Variants in DDX31 observed in about 807,000 individuals in gnomAD.
The protein encoded by DDX31 is DEAD-box helicase 31.
In DDX31, 70 loss-of-function variants were observed where a neutral mutation model predicts 91.3. The ratio of observed to expected loss-of-function variants is 0.77; its 90% confidence interval spans 0.63 to 0.94. The LOEUF is 0.94. Ranked by LOEUF, DDX31 falls within the 40% of genes least tolerant of loss-of-function variation. The pLI, the probability that DDX31 is intolerant of heterozygous loss-of-function variation, is 0.00. For missense variants in DDX31, 902 were observed against 925.0 expected (o/e 0.98, Z 0.32); for synonymous variants, 362 against 350.6 (o/e 1.03, Z -0.36).
intron 1 of DDX31, among the ~76,000 whole-genome samples, chr9:132,666,776 G>T (rs983819574): frequency 2.7e-5 from 4 of 149,676 alleles, no homozygotes; most frequent in African/African-American, 9.9e-5. Context: ...GCGCAATCTC[G>T]GCTCACTGCA....
At chr9:132,659,381 T>A (rs1834790251) in intron 5 of DDX31, among the ~76,000 whole-genome samples, 2 of 152,176 alleles carry the variant, frequency 1.3e-5, no homozygotes, top group Admixed American at 6.5e-5. Context: ...AATCACTCTG[T>A]GTTTAACACC....
At position 132,594,060 on chromosome 9, in the gene DDX31, C is replaced by T. The variant is rs1455562183; in HGVS notation, c.*806G>A. On this transcript the variant is annotated 3_prime_UTR_variant, in exon 20 of 20. Coordinates refer to ENST00000372159, the MANE Select transcript of DDX31 (RefSeq NM_022779.9). ...GGGGCGGGGGGCGGGCAGCTGTGGC[C>T]TGGGTCACAATACAAAGACCCCCAG... 1 of 151,940 alleles carries T rather than the reference C, an allele frequency of 6.6e-6. No homozygotes were observed. Among genetic ancestry groups the T allele is most frequent in the Non-Finnish European group, 1.5e-5 (1 of 67,990 alleles). 9.4% of individuals were successfully genotyped at this position (151,940 alleles called of 1,614,324 possible).
At position 132,595,439 on chromosome 9, in the gene DDX31, A is replaced by C. The variant is rs1830393856; in HGVS notation, c.1995-327T>G. Among the ~76,000 whole-genome samples the C allele has an allele frequency of 6.6e-6, 1 of 152,210 alleles. No individual in the cohort carries two copies. Among genetic ancestry groups the C allele is most frequent in the Non-Finnish European group, 1.5e-5 (1 of 68,034 alleles). On this transcript the variant is annotated intron_variant, in intron 19 of 19. Transcript: ENST00000372159. The surrounding 1 kb of genome is among the most constrained non-coding windows in gnomAD (Gnocchi z 4.6). Reference sequence around the variant, plus strand: ...GGTGTATGATACAGCGGTTTGCCAAAGGACAGGGAAAAACCCACCGTCACA... The same window carrying C: ...GGTGTATGATACAGCGGTTTGCCAACGGACAGGGAAAAACCCACCGTCACA...
chr9:132,627,828 C>T (rs567091285), intron 16 of DDX31, among the ~76,000 whole-genome samples: 1 of 152,206 alleles, frequency 6.6e-6, no homozygotes, highest in Non-Finnish European at 1.5e-5. Flanking sequence ...GAGCCTCGGC[C>T]TGCCTTCTCC....
intron 19 of DDX31, among the ~76,000 whole-genome samples, chr9:132,607,332 G>A (rs1444278657): frequency 6.6e-6 from 1 of 152,182 alleles, no homozygotes; most frequent in Non-Finnish European, 1.5e-5. Context: ...CTAACATTTG[G>A]GCTAGGCTGA....
chr9:132,610,377 G>C (rs1027604210), intron 19 of DDX31, among the ~76,000 whole-genome samples: 1 of 152,200 alleles, frequency 6.6e-6, no homozygotes, highest in Admixed American at 6.5e-5. Flanking sequence ...AACAGTTTCT[G>C]TTTGTTTTTC....
chr9:132,633,939 G>A (rs1002061093), intron 14 of DDX31, among the ~76,000 whole-genome samples: 1 of 152,192 alleles, frequency 6.6e-6, no homozygotes, highest in African/African-American at 2.4e-5. Flanking sequence ...CAGGAAGTAT[G>A]GGAAAGAGGA....
intron 6 of DDX31, among the ~76,000 whole-genome samples, chr9:132,653,958 CAAAT>C (rs1274553823): frequency 4.6e-5 from 7 of 151,504 alleles, no homozygotes; most frequent in South Asian, 4.2e-4. Flanking sequence ...ATTATAATAG[CAAAT>C]AAAGTTGAGA....
chr9:132,614,695 G>A (rs540236920), intron 18 of DDX31, among the ~76,000 whole-genome samples: 6 of 152,236 alleles, frequency 3.9e-5, no homozygotes, highest in Middle Eastern at 3.4e-3. Context: ...CCTATGAGCT[G>A]AGCACTGAGA....
At chr9:132,599,864 T>C (rs1830636420) in intron 19 of DDX31, among the ~76,000 whole-genome samples, 1 of 152,230 alleles carries the variant, frequency 6.6e-6, no homozygotes, top group Admixed American at 6.5e-5. Flanking sequence ...GTCCCCCACA[T>C]GGGAAGAAAA....
intron 3 of DDX31, among the ~76,000 whole-genome samples, 182 bp from the exon 4 acceptor site, chr9:132,661,433 A>T (rs1473228391): frequency 6.6e-6 from 1 of 152,184 alleles, no homozygotes; most frequent in Non-Finnish European, 1.5e-5. Context: ...CCCTGGGGAC[A>T]CAGGGCAAAG....
At chr9:132,620,142 C>T (rs1831926015) in intron 17 of DDX31, among the ~76,000 whole-genome samples, 1 of 151,986 alleles carries the variant, frequency 6.6e-6, no homozygotes, top group African/African-American at 2.4e-5. Context: ...CTCCGAATCC[C>T]TCTGTTGGTT....
At chr9:132,616,391 G>A (rs1026703375) in intron 18 of DDX31, among the ~76,000 whole-genome samples, 2 of 152,178 alleles carry the variant, frequency 1.3e-5, no homozygotes, top group South Asian at 4.1e-4. Flanking sequence ...TAATAACAGT[G>A]AAAGAAAACC....
chr9:132,614,297 C>T (rs1039551704), intron 18 of DDX31, among the ~76,000 whole-genome samples: 3 of 152,078 alleles, frequency 2.0e-5, no homozygotes, highest in Non-Finnish European at 4.4e-5. Flanking sequence ...TGCTTACTCC[C>T]CTTTTTAATA....
intron 19 of DDX31, among the ~76,000 whole-genome samples, chr9:132,608,158 G>A (rs1831125784): frequency 6.6e-6 from 1 of 152,180 alleles, no homozygotes; most frequent in South Asian, 2.1e-4. Flanking sequence ...TTTTCGTGAT[G>A]GATGTTGCTA....
intron 19 of DDX31, among the ~76,000 whole-genome samples, chr9:132,603,349 T>A (rs1389733232): frequency 6.6e-6 from 1 of 152,194 alleles, no homozygotes; most frequent in Non-Finnish European, 1.5e-5. Flanking sequence ...AGTCATTTCG[T>A]ACAGGTTATA....
At chr9:132,620,119 G>C (rs2119386335) in intron 17 of DDX31, among the ~76,000 whole-genome samples, 1 of 152,118 alleles carries the variant, frequency 6.6e-6, no homozygotes, top group Admixed American at 6.5e-5. Context: ...TAAATAAACA[G>C]AGCTCCAGCC....
chr9:132,659,216 T>A (rs1303672894), intron 5 of DDX31, among the ~76,000 whole-genome samples: 1 of 152,206 alleles, frequency 6.6e-6, no homozygotes, highest in Non-Finnish European at 1.5e-5. Flanking sequence ...GCCTTCTGAA[T>A]GGTGGCCGAG....
At chr9:132,616,729 C>T (rs568515336) in intron 18 of DDX31, among the ~76,000 whole-genome samples, 23 of 139,506 alleles carry the variant, frequency 1.6e-4, no homozygotes, top group African/African-American at 5.1e-4. Context: ...GGTAGGAAAA[C>T]CCTTGGGAAT....
Sources: allele counts gnomAD v4.1 joint callset (sites outside exome capture counted in the v4.1 genomes callset), GRCh38; gene constraint gnomAD v4.1.1; non-coding constraint Gnocchi (gnomAD v3.1); transcripts MANE v1.5; gene names NCBI Gene and HGNC (gene_info 2026-07-23, HGNC 2026-07-21).